Variants in NCOA2 observed in about 807,000 individuals in gnomAD.
NCOA2 encodes the protein nuclear receptor coactivator 2.
Under a neutral mutation model 145.1 loss-of-function variants are expected in NCOA2, and 21 were observed. The ratio of observed to expected loss-of-function variants is 0.14; its 90% CI spans 0.10 to 0.21. NCOA2 has a LOEUF of 0.21. Ranked by LOEUF, NCOA2 falls within the 10% of genes least tolerant of loss-of-function variation. The pLI, the probability that NCOA2 is intolerant of heterozygous loss-of-function variation, is 1.00. For synonymous variants in NCOA2, 619 were observed against 637.5 expected, an observed-to-expected ratio of 0.97 and a Z score of 0.44; for missense variants, 1,472 against 1,837.6, an observed-to-expected ratio of 0.80 and a Z score of 3.64.
intron 2 of NCOA2, among the ~76,000 whole-genome samples, chr8:70,232,875 A>ACACACACACACACACG (rs1258814447): frequency 6.6e-6 from 1 of 151,632 alleles, no homozygotes; most frequent in African/African-American, 2.4e-5. Flanking sequence ...GAATTTACAC[A>ACACACACACACACACG]CACACACACA....
chr8:70,156,802 G>A lies in NCOA2; in HGVS notation c.1563C>T (p.Ser521=). Residue 521 remains serine (S), a synonymous_variant, in exon 11 of 23, where the codon AGC becomes AGT. Coordinates refer to ENST00000452400, the MANE Select transcript of NCOA2 (RefSeq NM_006540.4). ...GSLHSPVGVC[S]STGNSHSYTN... ...TATAACTATGGCTATTTCCTGTGCT[G>A]CTGCAAACTCCCACAGGGGAATGCA... is the stretch of plus-strand genomic sequence containing the variant. 3.7e-6 allele frequency: 6 copies of A among 1,614,006 alleles called. No homozygotes were observed. The highest frequency in any genetic ancestry group is 5.1e-6 in the Non-Finnish European group (6 of 1,179,896).
chr8:70,310,727 T>C (rs1288405176), intron 1 of NCOA2, among the ~76,000 whole-genome samples: 1 of 152,188 alleles, frequency 6.6e-6, no homozygotes, highest in East Asian at 1.9e-4. Flanking sequence ...TCTGTCTAGG[T>C]GTGCTACAAT....
chr8:70,151,092 A>G (rs775346208), intron 11 of NCOA2, among the ~76,000 whole-genome samples: 3 of 152,222 alleles, frequency 2.0e-5, no homozygotes, highest in African/African-American at 2.4e-5. Flanking sequence ...GTGGGCTATA[A>G]TAAGTGATGA....
chr8:70,304,360 C>G (rs2135892334), intron 1 of NCOA2, among the ~76,000 whole-genome samples: 1 of 152,280 alleles, frequency 6.6e-6, no homozygotes, highest in East Asian at 1.9e-4. Flanking sequence ...ATGGGTTACA[C>G]CAGATAGCCT....
chr8:70,355,163 G>C (rs2130893120), intron 1 of NCOA2, among the ~76,000 whole-genome samples: 1 of 152,316 alleles, frequency 6.6e-6, no homozygotes, highest in East Asian at 1.9e-4. Context: ...GACCATATGT[G>C]TGGCACATGG....
At chr8:70,276,110 A>C (rs1462814899) in intron 2 of NCOA2, among the ~76,000 whole-genome samples, 1 of 152,206 alleles carries the variant, frequency 6.6e-6, no homozygotes, top group Non-Finnish European at 1.5e-5. Flanking sequence ...CAATACACTC[A>C]AAGAATACCA....
intron 1 of NCOA2, among the ~76,000 whole-genome samples, chr8:70,382,923 C>A (rs1161029864): frequency 1.3e-5 from 2 of 152,228 alleles, no homozygotes; most frequent in Non-Finnish European, 2.9e-5. Context: ...TCACAAACTA[C>A]ACAGATGGTA....
At chr8:70,412,066 A>G in the NCOA2 span, among the ~76,000 whole-genome samples, 1 of 152,218 alleles carries the variant, frequency 6.6e-6, no homozygotes, top group African/African-American at 2.4e-5. Flanking sequence ...CCCTGAAGAC[A>G]GGGATTATAT....
chr8:70,336,043 G>A (rs1807557711), intron 1 of NCOA2, among the ~76,000 whole-genome samples: 1 of 152,168 alleles, frequency 6.6e-6, no homozygotes, highest in Admixed American at 6.5e-5. Context: ...AATGAATGGA[G>A]CTTGCAGGAC....
chr8:70,404,191 TAGAG>T (rs1814649045), upstream of NCOA2, among the ~76,000 whole-genome samples: 1 of 151,736 alleles, frequency 6.6e-6, no homozygotes, highest in African/African-American at 2.4e-5. Flanking sequence ...GTGACTGTGG[TAGAG>T]GGAGGGTGAC....
chr8:70,177,916 T>C (rs1815048559), intron 4 of NCOA2, among the ~76,000 whole-genome samples: 1 of 152,242 alleles, frequency 6.6e-6, no homozygotes, highest in South Asian at 2.1e-4. Context: ...TCTATACTAA[T>C]GTTGCATTTT....
intron 2 of NCOA2, among the ~76,000 whole-genome samples, chr8:70,227,752 C>T (rs1820781378): frequency 6.6e-6 from 1 of 152,160 alleles, no homozygotes; most frequent in African/African-American, 2.4e-5. Flanking sequence ...CAGTGGCTCA[C>T]ACCTGTAATC....
intron 1 of NCOA2, among the ~76,000 whole-genome samples, chr8:70,369,978 T>C (rs1811065208): frequency 6.6e-6 from 1 of 152,080 alleles, no homozygotes. Flanking sequence ...CTTAACCTTC[T>C]AGGCTCATGC....
At chr8:70,167,291 C>T (rs941188860) in intron 6 of NCOA2, among the ~76,000 whole-genome samples, 3 of 152,202 alleles carry the variant, frequency 2.0e-5, no homozygotes, top group African/African-American at 7.2e-5. Flanking sequence ...AACACAGACT[C>T]TCACTAACCA....
At chr8:70,349,821 T>C (rs1220057075) in intron 1 of NCOA2, among the ~76,000 whole-genome samples, 1 of 152,156 alleles carries the variant, frequency 6.6e-6, no homozygotes, top group Non-Finnish European at 1.5e-5. Context: ...TCCCATCTTA[T>C]GGTACTAATT....
At chr8:70,383,433 T>C (rs905806237) in intron 1 of NCOA2, among the ~76,000 whole-genome samples, 4 of 152,248 alleles carry the variant, frequency 2.6e-5, no homozygotes, top group East Asian at 3.8e-4. Context: ...ATTGGAATAC[T>C]TGAAATCCAA....
intron 2 of NCOA2, among the ~76,000 whole-genome samples, chr8:70,268,075 A>G (rs886414558): frequency 1.3e-5 from 2 of 152,244 alleles, no homozygotes; most frequent in African/African-American, 2.4e-5. Flanking sequence ...TGCTGGATGC[A>G]GTTGCCCACA....
intron 2 of NCOA2, among the ~76,000 whole-genome samples, chr8:70,288,134 A>C (rs1204278347): frequency 6.6e-6 from 1 of 152,230 alleles, no homozygotes; most frequent in African/African-American, 2.4e-5. Context: ...TTTGAGGATT[A>C]TGTGAATTAC....
At chr8:70,236,843 G>A (rs1393474299) in intron 2 of NCOA2, among the ~76,000 whole-genome samples, 3 of 152,144 alleles carry the variant, frequency 2.0e-5, no homozygotes, top group Non-Finnish European at 4.4e-5. Flanking sequence ...TAAGGGACTT[G>A]AGCATTGGTG....
Sources: allele counts gnomAD v4.1 joint callset (sites outside exome capture counted in the v4.1 genomes callset), GRCh38; gene constraint gnomAD v4.1.1; transcripts MANE v1.5; gene names NCBI Gene and HGNC (gene_info 2026-07-23, HGNC 2026-07-21).